CFAP20DC: variants seen among roughly 807,000 people sequenced by gnomAD.
CFAP20DC encodes protein CFAP20DC.
In CFAP20DC, 84 loss-of-function variants were observed where a neutral mutation model predicts 101.7. The observed-to-expected ratio is 0.83, with a 90% CI of 0.69 to 0.99. CFAP20DC has a LOEUF of 0.99. CFAP20DC is among the 50% of genes least tolerant of loss of function. The pLI is 0.00. For synonymous variants in CFAP20DC, 359 were observed against 351.2 expected, an observed-to-expected ratio of 1.02 and a Z score of -0.25; for missense variants, 1,007 against 970.3, an observed-to-expected ratio of 1.04 and a Z score of -0.50.
In CFAP20DC at chr3:58,742,375, A is replaced by C; in HGVS notation, c.*85T>G. 1 of 1,354,520 alleles carries C rather than the reference A, an allele frequency of 7.4e-7. No homozygotes were observed. Among genetic ancestry groups the C allele is most frequent in the Non-Finnish European group, 9.6e-7 (1 of 1,043,824 alleles). The allele number at this position is 1,354,520 out of a possible 1,614,324, so 83.9% of individuals were successfully genotyped here. A position where few individuals can be genotyped will look rare whatever the true frequency, so the allele number is the denominator to read the frequency against. Reference sequence around the variant, plus strand: ...TGTTGATTTTGTGGTCACCCAACACATAAGTTGTGGTGACTCCTTAAGCGA... The same window carrying C: ...TGTTGATTTTGTGGTCACCCAACACCTAAGTTGTGGTGACTCCTTAAGCGA... On this transcript the variant is annotated 3_prime_UTR_variant, in exon 17 of 17. Coordinates refer to ENST00000482387, the MANE Select transcript of CFAP20DC (RefSeq NM_001394063.1).
Position 58,721,358 on chromosome 3 carries a change from TTA to T in CFAP20DC, c.198-3732_198-3731del, listed in dbSNP as rs1310632661. Among the ~76,000 whole-genome samples the T allele has an allele frequency of 6.6e-6, 1 of 152,098 alleles. No individual in the cohort carries two copies. The highest frequency in any genetic ancestry group is 1.5e-5 in the Non-Finnish European group (1 of 68,022). On this transcript the variant is annotated intron_variant, in intron 3 of 3. Transcript: ENST00000486145. This position sits in a 1 kb window ranked among gnomAD's most constrained non-coding sequence, Gnocchi z 5.2. ...ATCAGAGTTAATGACCTCATGGAGT[TTA>T]TAGTCAGAATGAAGAGATAGACATT...
intron 15 of CFAP20DC, among the ~76,000 whole-genome samples, chr3:58,767,779 T>C (rs535270839): frequency 2.6e-5 from 4 of 152,226 alleles, no homozygotes; most frequent in Admixed American, 2.6e-4. Flanking sequence ...ACCAGATTCT[T>C]AATATTGAAG....
intron 4 of CFAP20DC, among the ~76,000 whole-genome samples, chr3:59,038,948 A>C (rs781058222): frequency 2.6e-5 from 4 of 152,116 alleles, no homozygotes; most frequent in Non-Finnish European, 5.9e-5. Flanking sequence ...AAAGTATATA[A>C]ATTTATTAAT....
Position 58,999,453 on chromosome 3 carries a change from T to A in CFAP20DC, c.278+40104A>T, listed in dbSNP as rs373536983. ...ACTGACTATCTGAATGTAACAAGAGTCACATATCCAGCCATGCTTGTTAAA... is the reference window on the plus strand; with the variant it reads ...ACTGACTATCTGAATGTAACAAGAGACACATATCCAGCCATGCTTGTTAAA... On this transcript the variant is annotated intron_variant, in intron 4 of 16. Coordinates refer to ENST00000482387, the MANE Select transcript of CFAP20DC (RefSeq NM_001394063.1). Among the ~76,000 whole-genome samples, 31 of 151,544 alleles carry A rather than the reference T, an allele frequency of 2.0e-4. 1 individual carries two copies. The South Asian group carries it at 5.7e-3, about 28-fold the overall frequency.
At chr3:58,848,647 T>C (rs981287399) in intron 13 of CFAP20DC, among the ~76,000 whole-genome samples, 5 of 152,198 alleles carry the variant, frequency 3.3e-5, no homozygotes, top group Admixed American at 3.3e-4. Context: ...GGTGTTTTTA[T>C]GGCTCCTAAT....
intron 13 of CFAP20DC, among the ~76,000 whole-genome samples, chr3:58,835,528 G>A (rs143275487): frequency 6.6e-6 from 1 of 152,286 alleles, no homozygotes; most frequent in East Asian, 1.9e-4. Context: ...AACTTACTGA[G>A]ACCCTATTAT....
rs2079092252 is a variant in CFAP20DC at position 58,859,711 on chromosome 3, C to A, written c.1593+3847G>T. ...ATATGTTATGTTCTAATTCATAATACATAGGAATAAAAATGCAAGGCAGTA... is the reference window on the plus strand; with the variant it reads ...ATATGTTATGTTCTAATTCATAATAAATAGGAATAAAAATGCAAGGCAGTA... On this transcript the variant is annotated intron_variant, in intron 12 of 16. Transcript: ENST00000482387. This position sits in a 1 kb window ranked among gnomAD's most constrained non-coding sequence, Gnocchi z 4.1. 6.6e-6 allele frequency among the ~76,000 whole-genome samples: 1 copy of A among 152,118 alleles called. No individual in the cohort carries two copies. Among genetic ancestry groups the A allele is most frequent in the Non-Finnish European group, 1.5e-5 (1 of 68,028 alleles).
At chr3:58,810,321 C>T (rs1442276794) in intron 14 of CFAP20DC, among the ~76,000 whole-genome samples, 1 of 152,038 alleles carries the variant, frequency 6.6e-6, no homozygotes, top group Non-Finnish European at 1.5e-5. Flanking sequence ...ACTGGCAAAC[C>T]AAATCCAGCA....
chr3:58,954,248 T>C (rs1428351571), intron 4 of CFAP20DC, among the ~76,000 whole-genome samples: 1 of 152,182 alleles, frequency 6.6e-6, no homozygotes, highest in South Asian at 2.1e-4. Context: ...TCCAAGAGTG[T>C]AGATAAACTC....
chr3:58,821,211 T>G (rs1399674158), intron 14 of CFAP20DC, among the ~76,000 whole-genome samples: 9 of 152,130 alleles, frequency 5.9e-5, no homozygotes, highest in Non-Finnish European at 1.2e-4. Context: ...ACCTAGGCAT[T>G]ACCATTCAGG....
At chr3:58,862,678 TAA>T in intron 12 of CFAP20DC, 1 of 980,804 alleles carries the variant, frequency 1.0e-6, no homozygotes, top group East Asian at 1.1e-4. Context: ...AGTTACGTTA[TAA>T]AAATATTTTG....
intron 4 of CFAP20DC, among the ~76,000 whole-genome samples, chr3:58,939,319 A>G (rs2088167117): frequency 6.6e-6 from 1 of 152,190 alleles, no homozygotes; most frequent in South Asian, 2.1e-4. Flanking sequence ...ATTAGGAAAT[A>G]AAAGGAAAGA....
intron 12 of CFAP20DC, among the ~76,000 whole-genome samples, chr3:58,858,570 T>C (rs2079016351): frequency 6.6e-6 from 1 of 152,210 alleles, no homozygotes; most frequent in Non-Finnish European, 1.5e-5. Context: ...TGAATCAGAA[T>C]AGAACTCTAT....
At chr3:58,881,222 T>C (rs1274670261) in intron 7 of CFAP20DC, among the ~76,000 whole-genome samples, 1 of 152,108 alleles carries the variant, frequency 6.6e-6, no homozygotes, top group African/African-American at 2.4e-5. Context: ...GGAGTAAAAA[T>C]CCAATAAGAT....
At chr3:59,038,575 T>C (rs973822859) in intron 4 of CFAP20DC, among the ~76,000 whole-genome samples, 16 of 152,208 alleles carry the variant, frequency 1.1e-4, no homozygotes, top group Non-Finnish European at 2.1e-4. Context: ...TATAACAGCA[T>C]GTGCTCACTT....
intron 13 of CFAP20DC, among the ~76,000 whole-genome samples, chr3:58,838,127 A>C (rs1484896185): frequency 6.6e-6 from 1 of 152,204 alleles, no homozygotes; most frequent in African/African-American, 2.4e-5. Flanking sequence ...CGCATAGCTC[A>C]TTCACAATTT....
chr3:58,806,217 T>C (rs2074041492), intron 15 of CFAP20DC, among the ~76,000 whole-genome samples, 178 bp downstream of exon 15: 1 of 152,210 alleles, frequency 6.6e-6, no homozygotes, highest in Admixed American at 6.5e-5. Flanking sequence ...TAAACCTAGG[T>C]AGACTGTTAC....
chr3:58,919,221 T>C (rs1479565045), intron 5 of CFAP20DC, among the ~76,000 whole-genome samples: 1 of 152,194 alleles, frequency 6.6e-6, no homozygotes, highest in Non-Finnish European at 1.5e-5. Context: ...CTCAGCATAA[T>C]ATTTAAGGCT....
intron 15 of CFAP20DC, among the ~76,000 whole-genome samples, chr3:58,768,329 A>G (rs938830968): frequency 1.3e-5 from 2 of 152,294 alleles, no homozygotes; most frequent in African/African-American, 4.8e-5. Context: ...GGAAGTTTAA[A>G]ATCTGGATTC....
Sources: gnomAD v4.1 joint callset for allele counts (sites outside exome capture counted in the v4.1 genomes callset) on GRCh38, gnomAD v4.1.1 for gene constraint, Gnocchi (gnomAD v3.1) non-coding constraint, MANE v1.5 for transcripts, NCBI Gene and HGNC (gene_info 2026-07-23, HGNC 2026-07-21) for gene names.